PTPRD: variants seen among roughly 807,000 people sequenced by gnomAD.
PTPRD encodes receptor-type tyrosine-protein phosphatase delta.
PTPRD carries 34 observed loss-of-function variants against 214.5 expected under a neutral mutation model. The observed-to-expected ratio is 0.16, with a 90% confidence interval of 0.12 to 0.21. The LOEUF is 0.21. Ranked by LOEUF, PTPRD falls within the 10% of genes least tolerant of loss-of-function variation. The pLI is 1.00. For synonymous variants in PTPRD, 1,128 were observed against 845.7 expected, an observed-to-expected ratio of 1.33 and a Z score of -5.79; for missense variants, 2,545 against 2,398.7, an observed-to-expected ratio of 1.06 and a Z score of -1.27.
Position 9,041,249 on chromosome 9 carries a change from C to T in PTPRD, c.-142-22514G>A, listed in dbSNP as rs140924461. Among the ~76,000 whole-genome samples the T allele has an allele frequency of 3.7e-3, 567 of 152,092 alleles. 1 individual carries two copies. Among genetic ancestry groups the T allele is most frequent in the African/African-American group, 0.012 (508 of 41,492 alleles). On this transcript the variant is annotated intron_variant, in intron 10 of 45. Coordinates refer to ENST00000381196, the MANE Select transcript of PTPRD (RefSeq NM_002839.4). The stretch of plus-strand genomic sequence containing the variant: ...TATTTTAAGCTCAGGGGTACAGGTG[C>T]GGGTTTGTTATGCAGGTAAACTTGT...
intron 4 of PTPRD, among the ~76,000 whole-genome samples, chr9:9,984,463 G>C (rs753365974): frequency 1.7e-4 from 26 of 152,150 alleles, no homozygotes; most frequent in Non-Finnish European, 3.5e-4. Flanking sequence ...TGCCAGACTG[G>C]ACATGGTCTG....
chr9:9,110,782 T>G (rs1236542713), intron 10 of PTPRD, among the ~76,000 whole-genome samples: 1 of 152,110 alleles, frequency 6.6e-6, no homozygotes, highest in African/African-American at 2.4e-5. Context: ...TAAGCCAGAG[T>G]CAGCAACTAT....
chr9:10,159,042 A>G (rs557924723), intron 3 of PTPRD, among the ~76,000 whole-genome samples: 1 of 152,248 alleles, frequency 6.6e-6, no homozygotes, highest in South Asian at 2.1e-4. Context: ...AACACCTAGG[A>G]AGCCTTCTCA....
intron 2 of PTPRD, among the ~76,000 whole-genome samples, chr9:10,449,704 G>GAGCC: frequency 6.8e-6 from 1 of 146,268 alleles, no homozygotes; most frequent in East Asian, 1.9e-4. Flanking sequence ...GAGAAGTGAG[G>GAGCC]AGCCCCTCTG....
chr9:10,158,896 T>A (rs1293195650), intron 3 of PTPRD, among the ~76,000 whole-genome samples: 1 of 152,054 alleles, frequency 6.6e-6, no homozygotes, highest in Admixed American at 6.6e-5. Context: ...CCAGAGACAA[T>A]ATGGGGAGGT....
chr9:8,988,086 C>G (rs1430693185), intron 11 of PTPRD, among the ~76,000 whole-genome samples: 1 of 151,600 alleles, frequency 6.6e-6, no homozygotes. Flanking sequence ...TAGATGCTTC[C>G]CAAGAATAGT....
chr9:9,921,257 G>C (rs1243704691), intron 5 of PTPRD, among the ~76,000 whole-genome samples: 1 of 151,866 alleles, frequency 6.6e-6, no homozygotes, highest in Non-Finnish European at 1.5e-5. Flanking sequence ...AAATAATTGT[G>C]AATTTCTATA....
intron 4 of PTPRD, among the ~76,000 whole-genome samples, chr9:10,030,639 G>C (rs1001067970): frequency 7.0e-4 from 106 of 152,290 alleles, no homozygotes; most frequent in African/African-American, 2.5e-3. Flanking sequence ...AATATATGAG[G>C]GGCCTGGTGA....
intron 3 of PTPRD, among the ~76,000 whole-genome samples, chr9:10,201,960 T>C (rs1350110879): frequency 6.6e-6 from 1 of 152,040 alleles, no homozygotes; most frequent in Non-Finnish European, 1.5e-5. Flanking sequence ...TCAGGCCACG[T>C]CTGAATTATT....
intron 11 of PTPRD, among the ~76,000 whole-genome samples, chr9:8,804,314 T>C (rs547766295): frequency 8.5e-5 from 13 of 152,106 alleles, no homozygotes; most frequent in Non-Finnish European, 7.4e-5. Context: ...CTTATTTATA[T>C]TGACCAAGCA....
At chr9:8,484,788 CTATTTCTTATTTCATAAAT>C (rs2096963185) in intron 29 of PTPRD, among the ~76,000 whole-genome samples, 1 of 152,100 alleles carries the variant, frequency 6.6e-6, no homozygotes. Flanking sequence ...AAATGTTTCT[CTATTTCTTATTTCATAAAT>C]ATGTACTTGC....
chr9:10,488,489 AC>A (rs2099147883), intron 2 of PTPRD, among the ~76,000 whole-genome samples: 1 of 151,686 alleles, frequency 6.6e-6, no homozygotes, highest in African/African-American at 2.4e-5. Context: ...AGGTCCTGGG[AC>A]TCTACAATCA....
intron 44 of PTPRD, among the ~76,000 whole-genome samples, chr9:8,324,629 C>T (rs894144934): frequency 3.9e-5 from 6 of 152,114 alleles, no homozygotes; most frequent in Non-Finnish European, 1.5e-5. Context: ...AATGGGATTG[C>T]TGGGTCAAAT....
At chr9:8,674,322 G>C (rs979291342) in intron 12 of PTPRD, among the ~76,000 whole-genome samples, 3 of 151,900 alleles carry the variant, frequency 2.0e-5, no homozygotes, top group Non-Finnish European at 4.4e-5. Flanking sequence ...GCTGGGCGTG[G>C]TGGCACACGC....
At chr9:9,882,497 A>C (rs958816276) in intron 5 of PTPRD, among the ~76,000 whole-genome samples, 15 of 152,232 alleles carry the variant, frequency 9.9e-5, no homozygotes, top group African/African-American at 3.6e-4. Flanking sequence ...TTATTTTATA[A>C]AAGGGCTCTA....
At chr9:9,722,239 CTCT>C (rs774507858) in intron 7 of PTPRD, among the ~76,000 whole-genome samples, 4 of 151,990 alleles carry the variant, frequency 2.6e-5, no homozygotes, top group African/African-American at 7.2e-5. Context: ...AGCAGACAGC[CTCT>C]TCTTCTTCCT....
At chr9:8,913,661 CT>C (rs2098764029) in intron 11 of PTPRD, among the ~76,000 whole-genome samples, 1 of 152,126 alleles carries the variant, frequency 6.6e-6, no homozygotes, top group Non-Finnish European at 1.5e-5. Flanking sequence ...TTAAGGCAAA[CT>C]TTCCCTACCC....
chr9:10,459,592 TCTAA>T (rs978466107), intron 2 of PTPRD, among the ~76,000 whole-genome samples: 3 of 152,172 alleles, frequency 2.0e-5, no homozygotes, highest in Non-Finnish European at 4.4e-5. Flanking sequence ...TGATCGCCAT[TCTAA>T]CTAACATGAG....
chr9:9,780,814 A>G (rs1369980196), intron 5 of PTPRD, among the ~76,000 whole-genome samples: 2 of 152,212 alleles, frequency 1.3e-5, no homozygotes, highest in Non-Finnish European at 2.9e-5. Context: ...TTATAAACAA[A>G]CTCTGATACA....
Sources: gnomAD v4.1 joint callset for allele counts (sites outside exome capture counted in the v4.1 genomes callset) on GRCh38, gnomAD v4.1.1 for gene constraint, MANE v1.5 for transcripts, NCBI Gene and HGNC (gene_info 2026-07-23, HGNC 2026-07-21) for gene names.